The following TTC28 variants were observed in gnomAD, a reference collection of about 807,000 sequenced individuals.
TTC28 encodes tetratricopeptide repeat protein 28.
In TTC28, 61 loss-of-function variants were observed where a neutral mutation model predicts 198.0. The observed-to-expected ratio is 0.31, with a 90% CI of 0.25 to 0.38. The LOEUF is 0.38. Among genes scored for constraint, TTC28 ranks in the 10% least tolerant of loss-of-function variants. TTC28 has a pLI of 1.00. For synonymous variants in TTC28, 1,171 were observed against 1,297.8 expected (o/e 0.90, Z 2.10); for missense variants, 2,678 against 3,164.0 (o/e 0.85, Z 3.69).
At chr22:28,115,107 T>C (rs1942595448) in intron 6 of TTC28, among the ~76,000 whole-genome samples, 1 of 152,146 alleles carries the variant, frequency 6.6e-6, no homozygotes, top group Non-Finnish European at 1.5e-5. Context: ...AGTGGCAGGA[T>C]TGTTACTAAA....
At chr22:28,230,265 C>G (rs910163589) in intron 5 of TTC28, among the ~76,000 whole-genome samples, 2 of 152,230 alleles carry the variant, frequency 1.3e-5, no homozygotes, top group Non-Finnish European at 2.9e-5. Context: ...GCAAATATCA[C>G]TGGCCACAGA....
intron 12 of TTC28, among the ~76,000 whole-genome samples, chr22:28,088,185 A>C (rs1371011513): frequency 2.6e-5 from 4 of 152,162 alleles, no homozygotes; most frequent in Admixed American, 2.0e-4. Context: ...ATGGCACCAA[A>C]AAAGAGCCCG....
At chr22:28,264,545 T>C (rs1378932025) in intron 5 of TTC28, among the ~76,000 whole-genome samples, 1 of 152,120 alleles carries the variant, frequency 6.6e-6, no homozygotes, top group African/African-American at 2.4e-5. Flanking sequence ...AGAAAGGATA[T>C]TTGGAAGAGA....
At chr22:28,431,487 AGTTT>A (rs2047428826) in intron 2 of TTC28, among the ~76,000 whole-genome samples, 1 of 152,210 alleles carries the variant, frequency 6.6e-6, no homozygotes, top group Admixed American at 6.5e-5. Context: ...AATCTTACCT[AGTTT>A]ATTTGGTCAA....
chr22:28,092,700 C>G (rs1361638016), intron 12 of TTC28, among the ~76,000 whole-genome samples: 2 of 152,158 alleles, frequency 1.3e-5, no homozygotes, highest in Non-Finnish European at 2.9e-5. Flanking sequence ...AATGTCTAAC[C>G]TAGTTTATTA....
intron 2 of TTC28, among the ~76,000 whole-genome samples, chr22:28,460,309 A>T (rs1331171635): frequency 1.3e-5 from 2 of 152,136 alleles, no homozygotes; most frequent in Non-Finnish European, 2.9e-5. Context: ...GTAATTACAA[A>T]GTTAAAATAT....
intron 5 of TTC28, among the ~76,000 whole-genome samples, chr22:28,213,783 A>G (rs1171825462): frequency 2.0e-5 from 3 of 152,092 alleles, no homozygotes; most frequent in Non-Finnish European, 4.4e-5. Context: ...AAACTACTTT[A>G]AAGTTCATAT....
intron 2 of TTC28, among the ~76,000 whole-genome samples, chr22:28,459,522 CA>C (rs2047916349): frequency 6.6e-6 from 1 of 152,146 alleles, no homozygotes; most frequent in South Asian, 2.1e-4. Flanking sequence ...CCCTTCAAAA[CA>C]GAATCAAAGT....
intron 1 of TTC28, among the ~76,000 whole-genome samples, chr22:28,639,893 T>C (rs1303835749): frequency 6.6e-6 from 1 of 152,138 alleles, no homozygotes; most frequent in African/African-American, 2.4e-5. Context: ...TAACAAAGAA[T>C]TCAATGTACA....
intron 5 of TTC28, among the ~76,000 whole-genome samples, chr22:28,272,460 G>A (rs1351885428): frequency 1.3e-5 from 2 of 152,154 alleles, no homozygotes; most frequent in Non-Finnish European, 2.9e-5. Flanking sequence ...CTCTATCAGA[G>A]CCCTAGCTGT....
intron 2 of TTC28, among the ~76,000 whole-genome samples, chr22:28,519,974 AAG>A (rs751596999): frequency 2.6e-4 from 40 of 152,056 alleles, no homozygotes; most frequent in East Asian, 1.9e-4. Flanking sequence ...AGTAAAGAGA[AAG>A]AGAGAGAGTC....
chr22:28,410,288 C>T (rs1454341117), intron 2 of TTC28, among the ~76,000 whole-genome samples: 2 of 152,174 alleles, frequency 1.3e-5, no homozygotes, highest in Non-Finnish European at 2.9e-5. Flanking sequence ...CTTTCAATGA[C>T]TTGAGGAAGT....
At chr22:28,463,104 G>A (rs1424836430) in intron 2 of TTC28, among the ~76,000 whole-genome samples, 1 of 151,618 alleles carries the variant, frequency 6.6e-6, no homozygotes, top group Non-Finnish European at 1.5e-5. Context: ...AAGGCAAGGG[G>A]ATTCCACAGA....
At chr22:28,317,948 G>A (rs533984872) in intron 2 of TTC28, among the ~76,000 whole-genome samples, 1 of 152,204 alleles carries the variant, frequency 6.6e-6, no homozygotes, top group Admixed American at 6.5e-5. Flanking sequence ...CTGTCACCCA[G>A]GCTGGAGCAC....
At chr22:28,535,104 G>A (rs918922895) in intron 2 of TTC28, among the ~76,000 whole-genome samples, 5 of 151,876 alleles carry the variant, frequency 3.3e-5, no homozygotes, top group Non-Finnish European at 7.4e-5. Flanking sequence ...GGAATACAAT[G>A]GTTACTGTCC....
chr22:28,613,149 G>A (rs1283621346), intron 2 of TTC28, among the ~76,000 whole-genome samples: 1 of 151,504 alleles, frequency 6.6e-6, no homozygotes, highest in African/African-American at 2.4e-5. Context: ...TGATAAAGGG[G>A]ATATCATCAC....
intron 2 of TTC28, among the ~76,000 whole-genome samples, chr22:28,567,316 G>A (rs1307994395): frequency 6.7e-6 from 1 of 148,532 alleles, no homozygotes; most frequent in Non-Finnish European, 1.5e-5. Flanking sequence ...TTGAGCTCAG[G>A]GGGTCAAGGT....
intron 5 of TTC28, among the ~76,000 whole-genome samples, chr22:28,254,442 G>C (rs541554827): frequency 3.3e-5 from 5 of 151,760 alleles, no homozygotes; most frequent in Admixed American, 6.5e-5. Context: ...GAAAAGTCAA[G>C]GAAGAAGAGC....
intron 2 of TTC28, among the ~76,000 whole-genome samples, chr22:28,310,631 T>C (rs2045239331): frequency 1.3e-5 from 2 of 152,152 alleles, no homozygotes. Context: ...CAGGTACATG[T>C]GTATAACAAC....
Sources: allele counts gnomAD v4.1 joint callset (sites outside exome capture counted in the v4.1 genomes callset), GRCh38; gene constraint gnomAD v4.1.1; transcripts MANE v1.5; gene names NCBI Gene and HGNC (gene_info 2026-07-23, HGNC 2026-07-21).